RAB27A: variants seen among roughly 807,000 people sequenced by gnomAD.
RAB27A encodes the protein RAB27A, member RAS oncogene family.
RAB27A carries 17 observed loss-of-function variants against 20.8 expected under a neutral mutation model. The observed-to-expected ratio is 0.82, with a 90% CI of 0.56 to 1.23. The LOEUF (loss-of-function observed/expected upper bound fraction) is 1.23, where lower values mean the gene tolerates loss of function less well. Among genes scored for constraint, RAB27A ranks in the 50% most tolerant of loss-of-function variants. The pLI is 0.00. For missense variants in RAB27A, 277 were observed against 266.7 expected, an observed-to-expected ratio of 1.04 and a Z score of -0.27; for synonymous variants, 85 against 92.8, an observed-to-expected ratio of 0.92 and a Z score of 0.48.
upstream of RAB27A, among the ~76,000 whole-genome samples, chr15:55,293,865 C>A (rs149802439): frequency 9.9e-5 from 15 of 151,934 alleles, no homozygotes; most frequent in African/African-American, 3.4e-4. Context: ...TGCAGTAAGC[C>A]GAGATCGTGC....
intron 2 of RAB27A, among the ~76,000 whole-genome samples, chr15:55,258,565 C>T (rs1298229731): frequency 6.6e-6 from 1 of 152,180 alleles, no homozygotes; most frequent in Non-Finnish European, 1.5e-5. Context: ...GCGTGAAATT[C>T]CTGGGCTATA....
intron 4 of RAB27A, 101 bp downstream of exon 4, chr15:55,230,300 C>T (rs1221975121): frequency 3.4e-6 from 4 of 1,163,842 alleles, no homozygotes; most frequent in East Asian, 2.3e-5. Context: ...AAGTGCAAAC[C>T]AACGAATTGG....
chr15:55,283,047 G>A (rs896252692), intron 1 of RAB27A, among the ~76,000 whole-genome samples: 22 of 152,304 alleles, frequency 1.4e-4, no homozygotes, highest in East Asian at 3.9e-4. Flanking sequence ...TGGACAGAAC[G>A]TGTAACTTGG....
intron 1 of RAB27A, among the ~76,000 whole-genome samples, chr15:55,273,232 C>T (rs1765755454): frequency 6.6e-6 from 1 of 151,682 alleles, no homozygotes; most frequent in African/African-American, 2.4e-5. Flanking sequence ...TGTGGTGAAA[C>T]TCCATCTCTA....
intron 2 of RAB27A, among the ~76,000 whole-genome samples, chr15:55,301,978 G>A (rs1237089652): frequency 6.6e-6 from 1 of 151,884 alleles, no homozygotes; most frequent in South Asian, 2.1e-4. Context: ...ACGGCCGGGG[G>A]CAGTGGCCTG....
At chr15:55,317,847 A>G (rs780249691) in intron 1 of RAB27A, 1 of 395,900 alleles carries the variant, frequency 2.5e-6, no homozygotes, top group African/African-American at 2.1e-5. Flanking sequence ...CACACTCCAC[A>G]CCCAGGAAAT....
At chr15:55,309,001 T>A (rs1464350746) in intron 2 of RAB27A, among the ~76,000 whole-genome samples, 1 of 152,156 alleles carries the variant, frequency 6.6e-6, no homozygotes, top group African/African-American at 2.4e-5. Flanking sequence ...CTATTCCTGG[T>A]TTTTTTATGA....
chr15:55,226,533 G>A (rs1895804192), intron 5 of RAB27A, among the ~76,000 whole-genome samples: 1 of 152,030 alleles, frequency 6.6e-6, no homozygotes, highest in African/African-American at 2.4e-5. Context: ...GTGTGTGTGT[G>A]TGAGTGTGTA....
chr15:55,262,234 A>G (rs1897293719), intron 2 of RAB27A, among the ~76,000 whole-genome samples: 1 of 151,852 alleles, frequency 6.6e-6, no homozygotes, highest in Admixed American at 6.6e-5. Context: ...TTCTAATCTT[A>G]CCTTTTAGTC....
chr15:55,247,996 C>T (rs1896753897), intron 2 of RAB27A, among the ~76,000 whole-genome samples: 1 of 149,818 alleles, frequency 6.7e-6, no homozygotes, highest in South Asian at 2.1e-4. Context: ...TGCAGTGGCG[C>T]AATCTCTGCT....
At chr15:55,303,814 G>C (rs1212374833) in intron 2 of RAB27A, among the ~76,000 whole-genome samples, 1 of 130,212 alleles carries the variant, frequency 7.7e-6, no homozygotes, top group Non-Finnish European at 1.6e-5. Flanking sequence ...CGCCCGGCCA[G>C]CCGCCCCGTC....
intron 1 of RAB27A, among the ~76,000 whole-genome samples, chr15:55,279,547 C>T (rs1008465343): frequency 6.6e-6 from 1 of 152,114 alleles, no homozygotes; most frequent in African/African-American, 2.4e-5. Flanking sequence ...AGGCAAATAG[C>T]CTGTACATCA....
intron 2 of RAB27A, among the ~76,000 whole-genome samples, chr15:55,303,124 A>G (rs2054980950): frequency 8.2e-6 from 1 of 122,386 alleles, no homozygotes; most frequent in African/African-American, 3.2e-5. Context: ...GCCGTCCGGG[A>G]GGGAGGTGGG....
chr15:55,306,111 T>TTG (rs1555401397), intron 2 of RAB27A, among the ~76,000 whole-genome samples: 1 of 152,056 alleles, frequency 6.6e-6, no homozygotes, highest in African/African-American at 2.4e-5. Flanking sequence ...AGACTATTCG[T>TTG]GGGGGGGAGT....
chr15:55,250,282 T>A (rs1896840190), intron 2 of RAB27A, among the ~76,000 whole-genome samples: 1 of 152,124 alleles, frequency 6.6e-6, no homozygotes, highest in African/African-American at 2.4e-5. Flanking sequence ...TTATGTTTTT[T>A]AAAAACTGGA....
chr15:55,228,326 A>G (rs1895889477), intron 5 of RAB27A, among the ~76,000 whole-genome samples: 1 of 152,198 alleles, frequency 6.6e-6, no homozygotes, highest in Admixed American at 6.5e-5. Context: ...CGAAATGGGA[A>G]TAAGAGTCTC....
At chr15:55,222,721 T>C (rs1446355512) in intron 6 of RAB27A, among the ~76,000 whole-genome samples, 6 of 152,200 alleles carry the variant, frequency 3.9e-5, no homozygotes. Context: ...AGGTTTTCTC[T>C]TGGCCTTCTT....
chr15:55,262,755 C>T (rs1897322008), intron 2 of RAB27A, among the ~76,000 whole-genome samples: 1 of 151,838 alleles, frequency 6.6e-6, no homozygotes, highest in South Asian at 2.1e-4. Flanking sequence ...GCCCCAGCCT[C>T]CCTTGTCCAG....
chr15:55,266,253 G>A (rs1425091158), intron 2 of RAB27A, among the ~76,000 whole-genome samples: 1 of 152,156 alleles, frequency 6.6e-6, no homozygotes, highest in East Asian at 1.9e-4. Context: ...CTGCAACCTG[G>A]AAGAGAGCTC....
Sources: allele counts gnomAD v4.1 joint callset (sites outside exome capture counted in the v4.1 genomes callset), GRCh38; gene constraint gnomAD v4.1.1; transcripts MANE v1.5; gene names NCBI Gene and HGNC (gene_info 2026-07-23, HGNC 2026-07-21).